LRRFIP1: variants seen among roughly 807,000 people sequenced by gnomAD.
LRRFIP1 encodes LRR binding FLII interacting protein 1.
Under a neutral mutation model 104.4 loss-of-function variants are expected in LRRFIP1, and 62 were observed. The ratio of observed to expected loss-of-function variants is 0.59; its 90% CI spans 0.48 to 0.73. The LOEUF (loss-of-function observed/expected upper bound fraction) is 0.73, where lower values mean the gene tolerates loss of function less well. Ranked by LOEUF, LRRFIP1 falls within the 30% of genes least tolerant of loss-of-function variation. LRRFIP1 has a pLI of 0.00. For missense variants in LRRFIP1, 796 were observed against 824.5 expected, an observed-to-expected ratio of 0.97 and a Z score of 0.42; for synonymous variants, 300 against 299.0, an observed-to-expected ratio of 1.00 and a Z score of -0.03.
Position 237,649,089 on chromosome 2 carries a change from C to A in LRRFIP1, c.96+21349C>A, listed in dbSNP as rs1324731784. On this transcript the variant is annotated intron_variant, in intron 1 of 23. Transcript: ENST00000308482. This position sits in a 1 kb window ranked among gnomAD's most constrained non-coding sequence, Gnocchi z 4.1. ...GCACGGAGGCTGCCCTGGGTCTTGG[C>A]CGGCCCCTGGAGCTGGAGGAGGTGC... 6.6e-6 allele frequency among the ~76,000 whole-genome samples: 1 copy of A among 151,816 alleles called. No homozygotes were observed. Among genetic ancestry groups the A allele is most frequent in the African/African-American group, 2.4e-5 (1 of 41,402 alleles).
intron 7 of LRRFIP1, among the ~76,000 whole-genome samples, chr2:237,727,498 C>T (rs2094807184): frequency 6.6e-6 from 1 of 152,170 alleles, no homozygotes; most frequent in Admixed American, 6.5e-5. Flanking sequence ...ATCGGCCTGG[C>T]ATGTGGCTTC....
intron 1 of LRRFIP1, among the ~76,000 whole-genome samples, chr2:237,675,732 AT>A (rs1269602895): frequency 6.6e-6 from 1 of 152,244 alleles, no homozygotes; most frequent in Non-Finnish European, 1.5e-5. Flanking sequence ...AGAAAAAAAT[AT>A]CTCTATCTTC....
chr2:237,654,843 C>T (rs1199961613), intron 1 of LRRFIP1, among the ~76,000 whole-genome samples: 1 of 152,008 alleles, frequency 6.6e-6, no homozygotes, highest in African/African-American at 2.4e-5. Flanking sequence ...AGCCACCACT[C>T]CCGGCCTGTT....
At chr2:237,712,119 C>T (rs571918510) in intron 2 of LRRFIP1, among the ~76,000 whole-genome samples, 5 of 152,340 alleles carry the variant, frequency 3.3e-5, no homozygotes, top group Admixed American at 2.0e-4. Context: ...GGTGCTGTCA[C>T]CTACCACTGG....
chr2:237,637,841 T>C (rs554601309), intron 1 of LRRFIP1, among the ~76,000 whole-genome samples: 2 of 152,346 alleles, frequency 1.3e-5, no homozygotes, highest in South Asian at 2.1e-4. Flanking sequence ...TCATTGTCCT[T>C]GATTTCTTTC....
intron 21 of LRRFIP1, chr2:237,772,419 G>C (rs2060720512): frequency 2.0e-6 from 1 of 505,996 alleles, no homozygotes; most frequent in African/African-American, 1.9e-5. Flanking sequence ...CGTGCACCAA[G>C]ATACCACCAC....
At chr2:237,774,310 A>G (rs781219784) in intron 22 of LRRFIP1, 48 bp from the exon 23 acceptor site, 1 of 1,132,930 alleles carries the variant, frequency 8.8e-7, no homozygotes, top group Non-Finnish European at 1.3e-6. Flanking sequence ...CTGAAGAAAG[A>G]AAACAGGCTT....
chr2:237,661,580 T>C lies in LRRFIP1; in HGVS notation c.96+33840T>C, dbSNP rs2087965904. On this transcript the variant is annotated intron_variant, in intron 1 of 23. Coordinates refer to ENST00000308482, the MANE Select transcript of LRRFIP1 (RefSeq NM_001137550.2). The surrounding 1 kb of genome is among the most constrained non-coding windows in gnomAD (Gnocchi z 4.4). ...GCAAACTGCCCTATGTGCATCTCTG[T>C]CCTCATCCATGAAACCATCCTTGTC... Among the ~76,000 whole-genome samples the C allele has an allele frequency of 6.6e-6, 1 of 152,228 alleles. No individual in the cohort carries two copies. Among genetic ancestry groups the C allele is most frequent in the Admixed American group, 6.5e-5 (1 of 15,282 alleles).
chr2:237,716,397 G>T (rs2094333140), intron 3 of LRRFIP1, among the ~76,000 whole-genome samples: 1 of 151,716 alleles, frequency 6.6e-6, no homozygotes, highest in Non-Finnish European at 1.5e-5. Flanking sequence ...TGTCCTTTTT[G>T]TACTCATGTC....
intron 1 of LRRFIP1, among the ~76,000 whole-genome samples, chr2:237,668,200 A>G (rs1435463120): frequency 2.6e-5 from 4 of 151,896 alleles, no homozygotes; most frequent in African/African-American, 9.7e-5. Flanking sequence ...CTCCCCTCAC[A>G]TAGTGACCTC....
In LRRFIP1 at chr2:237,739,215, G is replaced by A. The variant is rs750571992; in HGVS notation, c.556-17G>A. 11 of 1,553,286 alleles carry A rather than the reference G, an allele frequency of 7.1e-6. No individual in the cohort carries two copies. In the Admixed American group the frequency reaches 9.7e-5, roughly 14 times the overall value. On this transcript the variant is annotated splice_polypyrimidine_tract_variant and intron_variant, in intron 10 of 23. Coordinates refer to ENST00000308482, the MANE Select transcript of LRRFIP1 (RefSeq NM_001137550.2). ...TTTGTTTCTGGCTGCGTGTCCTGGC[G>A]GTGGCTGTGTGGGCAGCCCTCGGAG...
chr2:237,627,724 A>G lies in LRRFIP1; in HGVS notation c.80A>G (p.Asn27Ser), dbSNP rs1169454702. The change falls in exon 1 of 24, where the codon AAC (asparagine) becomes AGC (serine). Residue 27 changes from asparagine to serine, a missense_variant. Asn to Ser is a conservative substitution (Grantham distance 46). Transcript: ENST00000308482. ...CTCACGGCGGAGGACGACGCGCTCA[A>G]CCAGATCGCGCGGGAGGTGAGCGCT... The part of the protein sequence containing the change: ...ERLTAEDDAL[N>S]QIAREAEARL... 7.5e-7 allele frequency: 1 copy of G among 1,336,360 alleles called. No individual in the cohort carries two copies. Among genetic ancestry groups the G allele is most frequent in the Non-Finnish European group, 9.7e-7 (1 of 1,033,234 alleles). 82.8% of individuals were successfully genotyped at this position (1,336,360 alleles called of 1,614,324 possible). A position where few individuals can be genotyped will look rare whatever the true frequency, so the allele number is the denominator to read the frequency against.
chr2:237,757,378 C>A, intron 16 of LRRFIP1, 78 bp from the exon 17 acceptor site: 1 of 886,986 alleles, frequency 1.1e-6, no homozygotes, highest in Non-Finnish European at 1.8e-6. Context: ...ACTGTCCCAG[C>A]TCTCAGGTTC....
rs370813386 is a variant in LRRFIP1 at position 237,735,515 on chromosome 2, T to C, written c.555+182T>C. 2.2e-4 allele frequency: 128 copies of C among 577,524 alleles called. 1 individual carries two copies. In the East Asian group the frequency reaches 3.0e-3, roughly 14 times the overall value. 35.8% of individuals were successfully genotyped at this position (577,524 alleles called of 1,614,324 possible). ...CACAAATAATGTGAATCAGGAAACC[T>C]CTGGTTGTTGGTTTCATGTCCTCAC... On this transcript the variant is annotated intron_variant, in intron 10 of 23. Coordinates refer to ENST00000308482, the MANE Select transcript of LRRFIP1 (RefSeq NM_001137550.2). The surrounding 1 kb of genome is among the most constrained non-coding windows in gnomAD (Gnocchi z 4.6).
In LRRFIP1 at chr2:237,735,647, G is replaced by A. The variant is rs1178845363; in HGVS notation, c.555+314G>A. On this transcript the variant is annotated intron_variant, in intron 10 of 23. Transcript: ENST00000308482. This position sits in a 1 kb window ranked among gnomAD's most constrained non-coding sequence, Gnocchi z 4.6. ...CTTCGGTTAATAAAAACGGGAAAAG[G>A]ACAACTTGACAGACCACACATCATT... 1.7e-5 allele frequency: 5 copies of A among 294,124 alleles called. No individual in the cohort carries two copies. The highest frequency in any genetic ancestry group is 3.2e-5 in the Non-Finnish European group (5 of 157,240). 18.2% of individuals were successfully genotyped at this position (294,124 alleles called of 1,614,324 possible).
chr2:237,722,843 C>T (rs564026358), intron 6 of LRRFIP1, among the ~76,000 whole-genome samples: 17 of 152,278 alleles, frequency 1.1e-4, no homozygotes, highest in Admixed American at 2.0e-4. Flanking sequence ...GTGTGTCCTC[C>T]GTGCGCTGGG....
intron 1 of LRRFIP1, among the ~76,000 whole-genome samples, chr2:237,681,675 A>ATTTTTTTTTTTTT (rs1359912875): frequency 1.3e-4 from 7 of 54,608 alleles, no homozygotes; most frequent in African/African-American, 1.9e-4. Context: ...CCGCAGTCCT[A>ATTTTTTTTTTTTT]TTCTTTTTTT....
At chr2:237,730,533 C>T (rs1261475019) in intron 8 of LRRFIP1, among the ~76,000 whole-genome samples, 1 of 152,036 alleles carries the variant, frequency 6.6e-6, no homozygotes, top group Admixed American at 6.6e-5. Flanking sequence ...GCCACCGGCA[C>T]CGGAGACCAG....
rs78223212 is a variant in LRRFIP1, at chr2:237,732,794, A to G, written c.445-980A>G. Among the ~76,000 whole-genome samples the G allele has an allele frequency of 6.0e-3, 905 of 152,020 alleles. 9 individuals are homozygous for G. The highest frequency in any genetic ancestry group is 0.021 in the African/African-American group (853 of 41,440). ...CTCTTGTAAATGTGTCCAGGAAGCA[A>G]TTTGGAAGGTTTTTGTGCCTAATCT... is the stretch of plus-strand genomic sequence containing the variant. On this transcript the variant is annotated intron_variant, in intron 8 of 23. Transcript: ENST00000308482.
Sources: allele counts gnomAD v4.1 joint callset (sites outside exome capture counted in the v4.1 genomes callset), GRCh38; gene constraint gnomAD v4.1.1; non-coding constraint Gnocchi (gnomAD v3.1); transcripts MANE v1.5; gene names NCBI Gene and HGNC (gene_info 2026-07-23, HGNC 2026-07-21).